SGCZ: variants seen among roughly 807,000 people sequenced by gnomAD.
SGCZ encodes the protein sarcoglycan zeta.
Under a neutral mutation model 41.3 loss-of-function variants are expected in SGCZ, and 40 were observed. That is an observed-to-expected ratio of 0.97 (90% CI 0.75 to 1.26). SGCZ has a LOEUF of 1.26. SGCZ is among the 50% of genes most tolerant of loss of function. The pLI is 0.00. For synonymous variants in SGCZ, 206 were observed against 137.5 expected (o/e 1.50, Z -3.49); for missense variants, 552 against 369.8 (o/e 1.49, Z -4.04).
chr8:14,788,162 T>C (rs966240912), intron 1 of SGCZ, among the ~76,000 whole-genome samples: 1 of 152,148 alleles, frequency 6.6e-6, no homozygotes, highest in Admixed American at 6.5e-5. Context: ...ATTTCTTTCT[T>C]TTTCCTTTCC....
chr8:14,482,832 A>G (rs1231772614), intron 2 of SGCZ, among the ~76,000 whole-genome samples: 2 of 151,746 alleles, frequency 1.3e-5, no homozygotes, highest in Non-Finnish European at 2.9e-5. Flanking sequence ...TAGGCCTTAT[A>G]CCATTGTCAC....
intron 1 of SGCZ, among the ~76,000 whole-genome samples, chr8:15,002,662 G>T (rs76474224): frequency 0.073 from 11,035 of 152,168 alleles, 523 homozygotes; most frequent in Non-Finnish European, 0.096. Flanking sequence ...CAAGCTTTTT[G>T]GGGGGAAATC....
intron 2 of SGCZ, 110 bp from the exon 3 acceptor site, chr8:14,324,314 T>C: frequency 1.3e-6 from 1 of 766,982 alleles, no homozygotes; most frequent in Admixed American, 2.2e-5. Context: ...TCAGTGATGA[T>C]TTAAGGAAAA....
At chr8:14,327,134 A>G (rs989558529) in intron 2 of SGCZ, among the ~76,000 whole-genome samples, 5 of 152,184 alleles carry the variant, frequency 3.3e-5, no homozygotes, top group African/African-American at 1.2e-4. Flanking sequence ...ATGAAGGTCA[A>G]TGGATGTTAA....
rs10102502 is a variant in SGCZ at position 14,434,555 on chromosome 8, G to C, written c.235-110351C>G. On this transcript the variant is annotated intron_variant, in intron 2 of 7. Transcript: ENST00000382080. ...TGCATTGAATCTGTAGATTGCTTTT[G>C]GCAGTGTGGTCATTTTCACAATATT... Among the ~76,000 whole-genome samples, 211 of 152,250 alleles carry C rather than the reference G, an allele frequency of 1.4e-3. 1 individual carries two copies. The highest frequency in any genetic ancestry group is 4.5e-3 in the African/African-American group (188 of 41,546).
intron 1 of SGCZ, among the ~76,000 whole-genome samples, chr8:14,833,039 C>T (rs1802585033): frequency 6.6e-6 from 1 of 151,328 alleles, no homozygotes; most frequent in South Asian, 2.1e-4. Flanking sequence ...ATCTGTTTTT[C>T]TCAGTTGATT....
chr8:14,114,585 A>T (rs1230487819), intron 5 of SGCZ, among the ~76,000 whole-genome samples: 1 of 152,002 alleles, frequency 6.6e-6, no homozygotes, highest in Admixed American at 6.6e-5. Flanking sequence ...TTGGATGCCA[A>T]ATAATATCCT....
At chr8:14,428,105 C>T (rs947894104) in intron 2 of SGCZ, among the ~76,000 whole-genome samples, 24 of 13,708 alleles carry the variant, frequency 1.8e-3, no homozygotes, top group Non-Finnish European at 7.7e-3. Flanking sequence ...TGTATATACA[C>T]ACACACACAC....
In SGCZ at chr8:14,775,481, G is replaced by C. The variant is rs1437874314; in HGVS notation, c.40-220555C>G. Among the ~76,000 whole-genome samples, 27 of 152,016 alleles carry C rather than the reference G, an allele frequency of 1.8e-4. No individual in the cohort carries two copies. The Middle Eastern group carries it at 0.014, about 77-fold the overall frequency. On this transcript the variant is annotated intron_variant, in intron 1 of 7. Transcript: ENST00000382080. ...TTTGAGTGTGTGTGTGTGTGTGTGTGTGTGTGTGTGTGTGTGTGTACACAG... is the reference window on the plus strand; with the variant it reads ...TTTGAGTGTGTGTGTGTGTGTGTGTCTGTGTGTGTGTGTGTGTGTACACAG...
intron 5 of SGCZ, among the ~76,000 whole-genome samples, chr8:14,127,687 A>T (rs780219333): frequency 1.6e-4 from 25 of 152,208 alleles, no homozygotes; most frequent in Non-Finnish European, 3.5e-4. Flanking sequence ...TGATCTCCTG[A>T]TCTTGTGCTC....
chr8:14,845,609 T>C (rs945056474), intron 1 of SGCZ, among the ~76,000 whole-genome samples: 1 of 152,184 alleles, frequency 6.6e-6, no homozygotes, highest in African/African-American at 2.4e-5. Context: ...CTTTATATGT[T>C]GTAAAATTTA....
chr8:14,630,178 A>C (rs560199762), intron 1 of SGCZ, among the ~76,000 whole-genome samples: 175 of 152,088 alleles, frequency 1.2e-3, no homozygotes, highest in African/African-American at 4.0e-3. Flanking sequence ...GTAACAGTAT[A>C]GTATGCTCCT....
At chr8:14,973,459 C>T (rs185669076) in intron 1 of SGCZ, among the ~76,000 whole-genome samples, 19 of 152,172 alleles carry the variant, frequency 1.2e-4, no homozygotes, top group Non-Finnish European at 2.2e-4. Flanking sequence ...GTACTGCTCC[C>T]GCTTGCCTAT....
intron 1 of SGCZ, among the ~76,000 whole-genome samples, chr8:14,568,945 A>G (rs1432449201): frequency 1.3e-5 from 2 of 152,230 alleles, no homozygotes; most frequent in Non-Finnish European, 2.9e-5. Context: ...ATTGTATTTG[A>G]GTCAAAATAT....
intron 1 of SGCZ, among the ~76,000 whole-genome samples, chr8:15,015,687 CA>C (rs61080299): frequency 0.081 from 9,797 of 121,304 alleles, 444 homozygotes; most frequent in East Asian, 0.16. Context: ...GACTCCATCT[CA>C]AAAAAAAAAA....
chr8:14,616,158 C>T (rs961329157), intron 1 of SGCZ, among the ~76,000 whole-genome samples: 1 of 151,988 alleles, frequency 6.6e-6, no homozygotes, highest in Non-Finnish European at 1.5e-5. Context: ...GAGCGGGCGC[C>T]TCTAGTCCCA....
At chr8:14,743,237 T>G (rs57975294) in intron 1 of SGCZ, among the ~76,000 whole-genome samples, 1,600 of 152,196 alleles carry the variant, frequency 0.011, 21 homozygotes, top group Middle Eastern at 0.027. Context: ...ATTGATGATA[T>G]TCTTATTAAT....
intron 2 of SGCZ, among the ~76,000 whole-genome samples, chr8:14,393,769 C>G (rs764379431): frequency 1.3e-5 from 2 of 152,250 alleles, no homozygotes; most frequent in Non-Finnish European, 1.5e-5. Context: ...ACAACCCAGC[C>G]GCTTCAATAT....
At chr8:15,061,784 T>A (rs1804947237) in intron 1 of SGCZ, among the ~76,000 whole-genome samples, 1 of 152,076 alleles carries the variant, frequency 6.6e-6, no homozygotes, top group Non-Finnish European at 1.5e-5. Flanking sequence ...GATAAATTTC[T>A]ATCATTTATA....
Sources: gnomAD v4.1 joint callset for allele counts (sites outside exome capture counted in the v4.1 genomes callset) on GRCh38, gnomAD v4.1.1 for gene constraint, MANE v1.5 for transcripts, NCBI Gene and HGNC (gene_info 2026-07-23, HGNC 2026-07-21) for gene names.